Variants in SHISA6 observed in about 807,000 individuals in gnomAD.
SHISA6 encodes the protein protein shisa-6.
A neutral mutation model predicts 47.9 loss-of-function variants in SHISA6; 22 were observed. That is an observed-to-expected ratio of 0.46 (90% CI 0.33 to 0.66). SHISA6 has a LOEUF of 0.66. SHISA6 is among the 30% of genes least tolerant of loss of function. The pLI is 0.02. For missense variants in SHISA6, 680 were observed against 764.6 expected (o/e 0.89, Z 1.30); for synonymous variants, 388 against 337.8 (o/e 1.15, Z -1.63).
At chr17:11,434,901 C>T (rs1464144858) in intron 3 of SHISA6, among the ~76,000 whole-genome samples, 2 of 152,126 alleles carry the variant, frequency 1.3e-5, no homozygotes, top group Non-Finnish European at 2.9e-5. Flanking sequence ...TAGAGATTGG[C>T]AAACAGTTAA....
chr17:11,361,563 T>A (rs1403630062), intron 2 of SHISA6, among the ~76,000 whole-genome samples: 1 of 152,180 alleles, frequency 6.6e-6, no homozygotes, highest in Non-Finnish European at 1.5e-5. Flanking sequence ...AACTTAGGGG[T>A]AGGCATTGAC....
intron 3 of SHISA6, among the ~76,000 whole-genome samples, chr17:11,419,745 A>G (rs957024181): frequency 2.0e-5 from 3 of 152,208 alleles, no homozygotes; most frequent in Non-Finnish European, 2.9e-5. Context: ...AGAAGTGACA[A>G]TGAACTAGGA....
chr17:11,302,258 G>C (rs542340331), intron 2 of SHISA6, among the ~76,000 whole-genome samples: 3 of 152,174 alleles, frequency 2.0e-5, no homozygotes. Context: ...ATTTTGTCAG[G>C]CTCAGTTTCC....
chr17:11,508,556 C>A (rs547208878), intron 3 of SHISA6, among the ~76,000 whole-genome samples: 1 of 130,440 alleles, frequency 7.7e-6, no homozygotes, highest in Admixed American at 7.6e-5. Context: ...CTCCTCTCCC[C>A]TCCCCTCCCC....
At chr17:11,357,537 A>C (rs139764619) in intron 2 of SHISA6, among the ~76,000 whole-genome samples, 1 of 152,208 alleles carries the variant, frequency 6.6e-6, no homozygotes, top group African/African-American at 2.4e-5. Flanking sequence ...TTATTCTACA[A>C]AGATGGAATC....
At chr17:11,299,596 G>A (rs1299489602) in intron 2 of SHISA6, among the ~76,000 whole-genome samples, 6 of 152,170 alleles carry the variant, frequency 3.9e-5, no homozygotes, top group Non-Finnish European at 7.3e-5. Flanking sequence ...GGCTCTAGGG[G>A]AGAATCGATT....
In SHISA6 at chr17:11,559,823, T is replaced by G. The variant is rs1163366897; in HGVS notation, c.*1519T>G. The G allele has an allele frequency of 6.6e-6, 1 of 152,154 alleles. No individual in the cohort carries two copies. The highest frequency in any genetic ancestry group is 2.4e-5 in the African/African-American group (1 of 41,378). The allele number at this position is 152,154 out of a possible 1,614,324, so 9.4% of individuals were successfully genotyped here. Reference sequence around the variant, plus strand: ...GGGTTGGCATGGTGTGACGGCCTCCTGGGGAGGTGACAGTGAATTCAGCAG... The same window carrying G: ...GGGTTGGCATGGTGTGACGGCCTCCGGGGGAGGTGACAGTGAATTCAGCAG... On this transcript the variant is annotated 3_prime_UTR_variant, in exon 6 of 6. Coordinates refer to ENST00000441885, the MANE Select transcript of SHISA6 (RefSeq NM_207386.4). The surrounding 1 kb of genome is among the most constrained non-coding windows in gnomAD (Gnocchi z 4.4).
chr17:11,354,470 C>A (rs1912011469), intron 2 of SHISA6, among the ~76,000 whole-genome samples: 1 of 152,160 alleles, frequency 6.6e-6, no homozygotes, highest in Non-Finnish European at 1.5e-5. Flanking sequence ...TGGACATCCA[C>A]CAAGCAGGGA....
intron 3 of SHISA6, among the ~76,000 whole-genome samples, chr17:11,449,105 A>G (rs1915313127): frequency 6.6e-6 from 1 of 152,160 alleles, no homozygotes; most frequent in African/African-American, 2.4e-5. Flanking sequence ...AAGCATTGAC[A>G]TGAATGATAT....
chr17:11,408,583 A>G (rs908864621), intron 3 of SHISA6, among the ~76,000 whole-genome samples: 3 of 152,254 alleles, frequency 2.0e-5, no homozygotes, highest in Non-Finnish European at 4.4e-5. Context: ...AACTAATGCT[A>G]CCTAGAAATG....
chr17:11,476,151 A>G lies in SHISA6; in HGVS notation c.896-75745A>G, dbSNP rs561914512. ...TGATGTCCCCTCTTTACTTTCTAGT[A>G]TTAGTGATTTGTGCTGTCCCTTTTT... is the stretch of plus-strand genomic sequence containing the variant. On this transcript the variant is annotated intron_variant, in intron 3 of 5. Coordinates refer to ENST00000441885, the MANE Select transcript of SHISA6 (RefSeq NM_207386.4). Among the ~76,000 whole-genome samples the G allele has an allele frequency of 1.9e-3, 283 of 152,146 alleles. 1 individual carries two copies. The highest frequency in any genetic ancestry group is 3.4e-3 in the Middle Eastern group (1 of 294).
intron 3 of SHISA6, among the ~76,000 whole-genome samples, chr17:11,520,463 T>TA (rs1390657006): frequency 1.3e-5 from 2 of 152,214 alleles, no homozygotes; most frequent in African/African-American, 4.8e-5. Context: ...CTTAGACTGT[T>TA]AGAGAAGCCT....
chr17:11,409,019 A>G (rs1914040053), intron 3 of SHISA6, among the ~76,000 whole-genome samples: 1 of 152,228 alleles, frequency 6.6e-6, no homozygotes, highest in Non-Finnish European at 1.5e-5. Flanking sequence ...CATCTTTAAA[A>G]TTAGTTACAA....
At chr17:11,408,116 A>G (rs1020649369) in intron 3 of SHISA6, among the ~76,000 whole-genome samples, 13 of 152,246 alleles carry the variant, frequency 8.5e-5, no homozygotes, top group African/African-American at 2.9e-4. Context: ...AGTTCTCTAC[A>G]TTGCTAAGGA....
At chr17:11,539,191 C>T (rs769318092) in intron 3 of SHISA6, among the ~76,000 whole-genome samples, 21 of 152,218 alleles carry the variant, frequency 1.4e-4, no homozygotes, top group Non-Finnish European at 2.8e-4. Context: ...ATCCACCCGC[C>T]TTGGCCTCCC....
At chr17:11,323,922 C>A (rs1910792227) in intron 2 of SHISA6, among the ~76,000 whole-genome samples, 1 of 152,004 alleles carries the variant, frequency 6.6e-6, no homozygotes, top group Non-Finnish European at 1.5e-5. Flanking sequence ...ACTTATTTTT[C>A]ATTTACTTTT....
intron 3 of SHISA6, among the ~76,000 whole-genome samples, chr17:11,503,684 T>TTTGTATA (rs2071474235): frequency 6.6e-6 from 1 of 152,216 alleles, no homozygotes; most frequent in Non-Finnish European, 1.5e-5. Flanking sequence ...GTAATAAGGC[T>TTTGTATA]TTGTATATTG....
chr17:11,307,472 G>A (rs1910163290), intron 2 of SHISA6, among the ~76,000 whole-genome samples: 1 of 152,200 alleles, frequency 6.6e-6, no homozygotes. Flanking sequence ...GAGGAAGGAA[G>A]CAGGTCCATC....
chr17:11,361,599 T>C (rs947254573), intron 2 of SHISA6, among the ~76,000 whole-genome samples: 3 of 152,208 alleles, frequency 2.0e-5, no homozygotes, highest in Admixed American at 2.0e-4. Flanking sequence ...GTTTTAGATG[T>C]TTTGCTTACC....
Sources: allele counts gnomAD v4.1 joint callset (sites outside exome capture counted in the v4.1 genomes callset), GRCh38; gene constraint gnomAD v4.1.1; non-coding constraint Gnocchi (gnomAD v3.1); transcripts MANE v1.5; gene names NCBI Gene and HGNC (gene_info 2026-07-23, HGNC 2026-07-21).